MAPT: variants seen among roughly 807,000 people sequenced by gnomAD.
MAPT encodes microtubule associated protein tau.
MAPT carries 34 observed loss-of-function variants against 67.9 expected under a neutral mutation model. The observed-to-expected ratio is 0.50, with a 90% confidence interval of 0.38 to 0.67. The LOEUF is 0.67. Among genes scored for constraint, MAPT ranks in the 30% least tolerant of loss-of-function variants. The probability of loss-of-function intolerance (pLI) is 0.00; values close to 1 mark genes in which losing one functional copy is unlikely to be tolerated. For missense variants in MAPT, 881 were observed against 1,115.2 expected (o/e 0.79, Z 2.99); for synonymous variants, 456 against 464.5 (o/e 0.98, Z 0.23).
chr17:45,990,538 C>A, intron 7 of MAPT: 1 of 442,930 alleles, frequency 2.3e-6, no homozygotes, highest in South Asian at 1.6e-5. Flanking sequence ...ATTGCTTGAA[C>A]CCCAGAGGCA....
chr17:45,948,744 A>AT (rs1281290208), intron 1 of MAPT, among the ~76,000 whole-genome samples: 1 of 152,208 alleles, frequency 6.6e-6, no homozygotes, highest in Non-Finnish European at 1.5e-5. Context: ...TGTTGTGTGA[A>AT]TTAAATGAGG....
chr17:45,986,896 G>A, intron 5 of MAPT, 144 bp from the exon 6 acceptor site: 1 of 699,514 alleles, frequency 1.4e-6, no homozygotes, highest in Non-Finnish European at 2.6e-6. Context: ...CAGATTCAAG[G>A]GAAAAGAGAA....
In MAPT at chr17:46,010,283, A is replaced by T; in HGVS notation, c.1999-27A>T. 6.7e-7 allele frequency: 1 copy of T among 1,498,898 alleles called. No individual in the cohort carries two copies. Among genetic ancestry groups the T allele is most frequent in the Non-Finnish European group, 9.1e-7 (1 of 1,098,614 alleles). The allele number at this position is 1,498,898 out of a possible 1,614,324, so 92.8% of individuals were successfully genotyped here. On this transcript the variant is annotated intron_variant, in intron 9 of 12. Transcript: ENST00000262410. This position sits in a 1 kb window ranked among gnomAD's most constrained non-coding sequence, Gnocchi z 4.7. ...GCAGGCGGGTCCAGGGTGGCGTGTC[A>T]CTCATCCTTTTTTCTGGCTACCAAA...
chr17:46,011,531 G>A (rs760082456), intron 10 of MAPT, among the ~76,000 whole-genome samples: 2 of 152,146 alleles, frequency 1.3e-5, no homozygotes, highest in Non-Finnish European at 2.9e-5. Context: ...TGACCCACCC[G>A]ATAAGCTGAG....
At chr17:45,974,824 C>T (rs2072149682) in intron 3 of MAPT, 1 of 338,718 alleles carries the variant, frequency 3.0e-6, no homozygotes, top group African/African-American at 2.1e-5. Flanking sequence ...CACCCTCCTG[C>T]TCAGACTGCC....
At chr17:45,901,321 G>C (rs543455500) in intron 1 of MAPT, among the ~76,000 whole-genome samples, 21 of 152,356 alleles carry the variant, frequency 1.4e-4, no homozygotes, top group Admixed American at 6.5e-4. Context: ...CGGGTTCAGA[G>C]ATCTTTCCAG....
Position 45,983,574 on chromosome 17 carries a change from CA to C in MAPT, c.996del (p.Gly333AlafsTer32). On this transcript the variant is annotated frameshift_variant, in exon 5 of 13. Transcript: ENST00000262410. LOFTEE classifies it high-confidence loss of function. ...QTAAREATSI[P>X]GFPAEGAIPL... is the part of the protein sequence containing the mutation. ...GCCGCCAGAGAAGCCACCAGCATCC[CA>C]GGCTTCCCAGCGGAGGGTGCCATCC... The C allele has an allele frequency of 6.2e-7, 1 of 1,613,262 alleles. No individual in the cohort carries two copies. The highest frequency in any genetic ancestry group is 8.5e-7 in the Non-Finnish European group (1 of 1,180,004).
rs964226257 is a variant in MAPT, at chr17:45,991,476, C to T, written c.1622C>T (p.Thr541Met). 16 of 1,614,038 alleles carry T rather than the reference C, an allele frequency of 9.9e-6. No homozygotes were observed. Among genetic ancestry groups the T allele is most frequent in the African/African-American group, 4.0e-5 (3 of 74,920 alleles). The change falls in exon 8 of 13, where the codon ACG (threonine) becomes ATG (methionine). Residue 541 changes from threonine (T) to methionine (M), a missense_variant. Thr to Met is a moderately conservative substitution (Grantham distance 81). This residue lies in a region of MAPT where 687 missense variants were observed against 766.1 expected (regional missense o/e 0.90). Transcript: ENST00000262410. ...CATTTACAGGGGGCTGATGGTAAAA[C>T]GAAGATCGCCACACCGCGGGGAGCA... ...EMKLKGADGKTKIATPRGAAP... is the reference protein window; with the variant it reads ...EMKLKGADGKMKIATPRGAAP...
At chr17:46,000,314 G>T (rs2145885661) in intron 9 of MAPT, among the ~76,000 whole-genome samples, 1 of 152,296 alleles carries the variant, frequency 6.6e-6, no homozygotes, top group Non-Finnish European at 1.5e-5. Flanking sequence ...GCTTTTCTCT[G>T]TTTTCAGGAT....
At position 45,962,305 on chromosome 17, in the gene MAPT, C is replaced by T. The variant is rs1242558758; in HGVS notation, c.-17-16C>T. ...CAACACTCCTCAGAACTTATCCTCT[C>T]CTCTTCTTTCCCCAGGTGAACTTTG... is the stretch of plus-strand genomic sequence containing the variant. On this transcript the variant is annotated splice_polypyrimidine_tract_variant and intron_variant, in intron 1 of 12. Coordinates refer to ENST00000262410, the MANE Select transcript of MAPT (RefSeq NM_001377265.1). 6.2e-7 allele frequency: 1 copy of T among 1,610,054 alleles called. No individual in the cohort carries two copies. The highest frequency in any genetic ancestry group is 1.1e-5 in the South Asian group (1 of 90,598).
rs904628796 is a variant in MAPT, at chr17:45,985,452, A to G, written c.1351+1522A>G. On this transcript the variant is annotated intron_variant, in intron 5 of 12. Transcript: ENST00000262410. ...ATGTTTTCTTGAATACTGGCCTACTAGAGGTTCATAGGTGTGTTTGGATTA... is the reference window on the plus strand; with the variant it reads ...ATGTTTTCTTGAATACTGGCCTACTGGAGGTTCATAGGTGTGTTTGGATTA... Among the ~76,000 whole-genome samples, 6 of 152,214 alleles carry G rather than the reference A, an allele frequency of 3.9e-5. No homozygotes were observed. The South Asian group carries it at 1.2e-3, about 32-fold the overall frequency.
At chr17:45,976,069 C>T (rs1568264983) in intron 3 of MAPT, 1 of 152,332 alleles carries the variant, frequency 6.6e-6, no homozygotes, top group Non-Finnish European at 1.5e-5. Flanking sequence ...AGCCTCACCT[C>T]TGAGGTCCTG....
chr17:46,004,975 G>A (rs1457136429), intron 9 of MAPT, among the ~76,000 whole-genome samples: 2 of 152,080 alleles, frequency 1.3e-5, no homozygotes, highest in East Asian at 3.9e-4. Flanking sequence ...TAGTAGAGAC[G>A]GGGTTTCACC....
chr17:46,013,072 A>G (rs1272134124), intron 10 of MAPT, among the ~76,000 whole-genome samples: 2 of 152,186 alleles, frequency 1.3e-5, no homozygotes, highest in African/African-American at 4.8e-5. Context: ...ACCTAAGTGG[A>G]AGGAGAAACC....
rs931081319 is a variant in MAPT at position 45,982,899 on chromosome 17, C to T, written c.320C>T (p.Ala107Val). 2.2e-5 allele frequency: 30 copies of T among 1,334,120 alleles called. No homozygotes were observed. The East Asian group carries it at 2.8e-4, about 12-fold the overall frequency. 82.6% of individuals were successfully genotyped at this position (1,334,120 alleles called of 1,614,324 possible). ...ELRVPGRQRK[A>V]PERPLANEIS... Reference sequence around the variant, plus strand: ...AGAGTTCCGGGCCGGCAGAGGAAGGCGCCTGAAAGGCCCCTGGCCAATGAG... The same window carrying T: ...AGAGTTCCGGGCCGGCAGAGGAAGGTGCCTGAAAGGCCCCTGGCCAATGAG... Residue 107 changes from alanine (A) to valine (V), a missense_variant, in exon 5 of 13, where the codon GCG becomes GTG. Transcript: ENST00000262410.
chr17:45,895,097 G>C (rs991108007), intron 1 of MAPT: 3 of 151,904 alleles, frequency 2.0e-5, no homozygotes, highest in African/African-American at 4.9e-5. Flanking sequence ...GTGTGGAGGG[G>C]TCCGATAACG....
At chr17:46,008,244 C>T (rs11657504) in intron 9 of MAPT, among the ~76,000 whole-genome samples, 16,895 of 152,196 alleles carry the variant, frequency 0.11, 1,147 homozygotes, top group East Asian at 0.3. Flanking sequence ...TGCGCACCAC[C>T]ATGCCTGGCT....
chr17:45,989,633 A>C (rs1180168025), intron 6 of MAPT, among the ~76,000 whole-genome samples: 1 of 152,262 alleles, frequency 6.6e-6, no homozygotes, highest in African/African-American at 2.4e-5. Context: ...CCTGGGCGAC[A>C]GAGCGAGACT....
At chr17:45,991,842 T>C (rs963052753) in intron 8 of MAPT, among the ~76,000 whole-genome samples, 4 of 151,390 alleles carry the variant, frequency 2.6e-5, no homozygotes, top group Admixed American at 6.6e-5. Flanking sequence ...CGGAGTGCAG[T>C]GGTGTGATCT....
Sources: gnomAD v4.1 joint callset for allele counts (sites outside exome capture counted in the v4.1 genomes callset) on GRCh38, gnomAD v4.1.1 for gene constraint, gnomAD v4.1.1 regional missense constraint, Gnocchi (gnomAD v3.1) non-coding constraint, MANE v1.5 for transcripts, NCBI Gene and HGNC (gene_info 2026-07-23, HGNC 2026-07-21) for gene names.